Variants in IFT43 observed in about 807,000 individuals in gnomAD.
IFT43 encodes intraflagellar transport protein 43 homolog.
A neutral mutation model predicts 32.3 loss-of-function variants in IFT43; 33 were observed. The ratio of observed to expected loss-of-function variants is 1.02; its 90% confidence interval spans 0.77 to 1.37. IFT43 has a LOEUF of 1.37. IFT43 is among the 40% of genes most tolerant of loss of function. The pLI is 0.00. For missense variants in IFT43, 274 were observed against 265.9 expected (o/e 1.03, Z -0.21); for synonymous variants, 93 against 98.2 (o/e 0.95, Z 0.31).
At chr14:76,041,083 C>G (rs1259460300) in intron 3 of IFT43, among the ~76,000 whole-genome samples, 1 of 152,242 alleles carries the variant, frequency 6.6e-6, no homozygotes, top group African/African-American at 2.4e-5. Flanking sequence ...TCCCACCTTC[C>G]TCTCTGGCCT....
chr14:76,003,330 T>A (rs1048838023), intron 2 of IFT43, among the ~76,000 whole-genome samples: 2 of 152,126 alleles, frequency 1.3e-5, no homozygotes, highest in African/African-American at 4.8e-5. Flanking sequence ...ATAGAGTTAA[T>A]ATTATACCAT....
intron 2 of IFT43, among the ~76,000 whole-genome samples, chr14:76,019,271 G>A (rs916861835): frequency 6.6e-6 from 1 of 151,988 alleles, no homozygotes; most frequent in Non-Finnish European, 1.5e-5. Context: ...TTATTGAAAG[G>A]CTTGTCAGTG....
chr14:76,082,270 G>T, intron 5 of IFT43, 25 bp from the exon 6 acceptor site: 2 of 1,608,874 alleles, frequency 1.2e-6, no homozygotes, highest in Admixed American at 1.7e-5. Flanking sequence ...TCTGCAGACA[G>T]TGTTGCCTCT....
At chr14:76,003,999 C>T (rs530198601) in intron 2 of IFT43, among the ~76,000 whole-genome samples, 2 of 152,300 alleles carry the variant, frequency 1.3e-5, no homozygotes, top group Admixed American at 6.5e-5. Context: ...TGGTCTCAAA[C>T]TCCTGACCTC....
intron 2 of IFT43, among the ~76,000 whole-genome samples, chr14:76,001,376 T>C (rs1438168097): frequency 6.6e-6 from 1 of 152,236 alleles, no homozygotes; most frequent in East Asian, 1.9e-4. Context: ...TTACCAGAAA[T>C]ACTTACATAG....
chr14:75,996,285 C>T (rs1566697446), intron 2 of IFT43, among the ~76,000 whole-genome samples: 1 of 152,196 alleles, frequency 6.6e-6, no homozygotes, highest in Non-Finnish European at 1.5e-5. Context: ...CTGCCAGTTG[C>T]TAGGTGTGTA....
chr14:75,985,993 C>T lies in IFT43; in HGVS notation c.54+153C>T, dbSNP rs185362307. ...AGGAGGCAGCCTCACCGCCCCGCCC[C>T]CAGGCCACTGTGGGCTCCGCCGCTG... is the stretch of plus-strand genomic sequence containing the variant. On this transcript the variant is annotated intron_variant, in intron 1 of 8. Transcript: ENST00000314067. 6.6e-4 allele frequency: 1,004 copies of T among 1,527,382 alleles called. 10 individuals carry two copies. In the African/African-American group the frequency reaches 0.012, roughly 19 times the overall value. The allele number at this position is 1,527,382 out of a possible 1,614,324, so 94.6% of individuals were successfully genotyped here.
intron 2 of IFT43, among the ~76,000 whole-genome samples, chr14:75,991,435 A>T (rs544832915): frequency 1.3e-5 from 2 of 149,576 alleles, no homozygotes; most frequent in Non-Finnish European, 3.0e-5. Context: ...GTATGTATGT[A>T]TATATATTTT....
intron 3 of IFT43, among the ~76,000 whole-genome samples, chr14:76,044,573 C>G (rs775540925): frequency 2.7e-4 from 41 of 152,162 alleles, no homozygotes; most frequent in Non-Finnish European, 4.6e-4. Flanking sequence ...GTGATCAGAT[C>G]AACCTTCAGC....
At chr14:76,065,316 C>A (rs1460409686) in intron 5 of IFT43, among the ~76,000 whole-genome samples, 1 of 152,192 alleles carries the variant, frequency 6.6e-6, no homozygotes, top group Non-Finnish European at 1.5e-5. Flanking sequence ...CTTCTCAAAA[C>A]AAATCAGTAG....
At chr14:76,028,882 T>G (rs528457625) in intron 3 of IFT43, among the ~76,000 whole-genome samples, 7 of 152,350 alleles carry the variant, frequency 4.6e-5, no homozygotes, top group Non-Finnish European at 8.8e-5. Flanking sequence ...CTAGTTTGAT[T>G]CCATGTCTTT....
intron 2 of IFT43, among the ~76,000 whole-genome samples, chr14:75,998,548 C>T (rs1467967173): frequency 6.6e-6 from 1 of 152,054 alleles, no homozygotes; most frequent in Non-Finnish European, 1.5e-5. Context: ...GAGTGGTGGC[C>T]AGAGAGGAGA....
At chr14:76,068,479 C>G (rs1372785201) in intron 5 of IFT43, among the ~76,000 whole-genome samples, 1 of 152,210 alleles carries the variant, frequency 6.6e-6, no homozygotes, top group Non-Finnish European at 1.5e-5. Context: ...ACAACTATAG[C>G]TGACACAATG....
At chr14:76,001,994 T>C (rs1376121125) in intron 2 of IFT43, among the ~76,000 whole-genome samples, 2 of 152,240 alleles carry the variant, frequency 1.3e-5, no homozygotes, top group East Asian at 3.8e-4. Flanking sequence ...ATGCCTTTTA[T>C]CCCAGCACTT....
intron 3 of IFT43, among the ~76,000 whole-genome samples, chr14:76,026,197 A>G (rs924037820): frequency 6.6e-6 from 1 of 152,236 alleles, no homozygotes; most frequent in African/African-American, 2.4e-5. Context: ...ACTGATCATT[A>G]GAGAAATGCA....
At position 76,022,354 on chromosome 14, in the gene IFT43, C is replaced by T. The variant is rs572289925; in HGVS notation, c.175C>T (p.Arg59Ter). ...TTCCTCTGCTAAATTACCTCGCTGC[C>T]GACAGGGAGGCTGGGCAGGTGATTC... ...ETSSAKLPRC[R>*]QGGWAGDSVK... is the part of the protein sequence containing the mutation. Residue 59 changes from arginine to a stop codon, truncating the protein, a stop_gained, in exon 3 of 9, where the codon CGA becomes TGA. Transcript: ENST00000314067. LOFTEE classifies it high-confidence loss of function. The T allele has an allele frequency of 6.2e-6, 10 of 1,613,426 alleles. No homozygotes were observed. Among genetic ancestry groups the T allele is most frequent in the South Asian group, 1.1e-5 (1 of 91,050 alleles).
intron 2 of IFT43, among the ~76,000 whole-genome samples, chr14:75,999,261 ATATATATATATGTATATATAT>A (rs1337581878): frequency 2.6e-4 from 6 of 23,366 alleles, no homozygotes; most frequent in African/African-American, 1.4e-3. Context: ...ATATATATAT[ATATATATATATGTATATATAT>A]TTTTTTTTTT....
At chr14:76,013,491 T>C (rs2036125036) in intron 2 of IFT43, among the ~76,000 whole-genome samples, 2 of 152,182 alleles carry the variant, frequency 1.3e-5, no homozygotes, top group Admixed American at 6.5e-5. Flanking sequence ...TAGGTGTGCG[T>C]CCTGTGTTTC....
chr14:76,020,476 G>GT (rs748148883), intron 2 of IFT43, among the ~76,000 whole-genome samples: 129 of 152,216 alleles, frequency 8.5e-4, no homozygotes, highest in Non-Finnish European at 1.5e-3. Flanking sequence ...TGTATCTGGT[G>GT]TAATAGTTGC....
Sources: gnomAD v4.1 joint callset for allele counts (sites outside exome capture counted in the v4.1 genomes callset) on GRCh38, gnomAD v4.1.1 for gene constraint, MANE v1.5 for transcripts, NCBI Gene and HGNC (gene_info 2026-07-23, HGNC 2026-07-21) for gene names.